The following NFASC variants were observed in gnomAD, a reference collection of about 807,000 sequenced individuals.
The protein encoded by NFASC is neurofascin.
A neutral mutation model predicts 147.5 loss-of-function variants in NFASC; 43 were observed. That is an observed-to-expected ratio of 0.29 (90% confidence interval 0.23 to 0.38). The LOEUF (loss-of-function observed/expected upper bound fraction) is 0.38. Ranked by LOEUF, NFASC falls within the 10% of genes least tolerant of loss-of-function variation. The probability of loss-of-function intolerance (pLI) is 1.00; values close to 1 mark genes in which losing one functional copy is unlikely to be tolerated. For missense variants in NFASC, 1,320 were observed against 1,689.0 expected, an observed-to-expected ratio of 0.78 and a Z score of 3.83; for synonymous variants, 622 against 665.5, an observed-to-expected ratio of 0.93 and a Z score of 1.01.
At chr1:204,892,053 A>AT (rs1328605361) in intron 1 of NFASC, among the ~76,000 whole-genome samples, 1 of 152,192 alleles carries the variant, frequency 6.6e-6, no homozygotes, top group Non-Finnish European at 1.5e-5. Flanking sequence ...GTAGGCATGC[A>AT]TTTTTTTAAG....
intron 1 of NFASC, among the ~76,000 whole-genome samples, chr1:204,889,815 A>G (rs1315976313): frequency 6.6e-6 from 1 of 152,240 alleles, no homozygotes; most frequent in Admixed American, 6.5e-5. Flanking sequence ...GGGAGCTGTC[A>G]TCAGGTTTTC....
chr1:204,871,096 T>C (rs2077603320), intron 1 of NFASC: 3 of 1,289,758 alleles, frequency 2.3e-6, no homozygotes, highest in Non-Finnish European at 3.0e-6. Context: ...CTGCCCTCCC[T>C]CTTGGCCTCT....
chr1:204,942,813 C>A lies in NFASC; in HGVS notation c.-90-1413C>A, dbSNP rs116664258. ...AGTTGAGGTTTGGTGCTGGGCCCAG[C>A]TTCTGGGAAAGAAACTGCAAAAATG... On this transcript the variant is annotated intron_variant, in intron 2 of 29. Coordinates refer to ENST00000339876, the MANE Select transcript of NFASC (RefSeq NM_001005388.3). 7.3e-3 allele frequency among the ~76,000 whole-genome samples: 1,109 copies of A among 152,214 alleles called. 17 individuals are homozygous for A. The highest frequency in any genetic ancestry group is 0.026 in the African/African-American group (1,081 of 41,526).
At position 204,980,362 on chromosome 1, in the gene NFASC, G is replaced by C. The variant is rs772436730; in HGVS notation, c.2177-8G>C. 3.1e-6 allele frequency: 5 copies of C among 1,612,910 alleles called. No individual in the cohort carries two copies. The East Asian group carries it at 1.1e-4, about 36-fold the overall frequency. On this transcript the variant is annotated splice_polypyrimidine_tract_variant and splice_region_variant and intron_variant, in intron 19 of 29. Transcript: ENST00000339876. Reference sequence around the variant, plus strand: ...TTGGACTTGAGCCTGTGTCTGTTTGGGTTCCAGCCCCCGAGTCCAATCCTG... The same window carrying C: ...TTGGACTTGAGCCTGTGTCTGTTTGCGTTCCAGCCCCCGAGTCCAATCCTG...
At chr1:204,840,785 A>G (rs1045377909) in intron 1 of NFASC, among the ~76,000 whole-genome samples, 2 of 152,358 alleles carry the variant, frequency 1.3e-5, no homozygotes, top group East Asian at 3.9e-4. Flanking sequence ...TTCAGTAAAT[A>G]TATACCAAAT....
At chr1:204,919,720 C>G (rs2090069813) in intron 1 of NFASC, among the ~76,000 whole-genome samples, 1 of 152,070 alleles carries the variant, frequency 6.6e-6, no homozygotes, top group South Asian at 2.1e-4. Context: ...CCTCTGCCTC[C>G]CGGGTTCAAG....
intron 21 of NFASC, chr1:204,984,388 T>TATATATATATATATATATACGC (rs2095571434): frequency 1.4e-5 from 1 of 72,966 alleles, no homozygotes; most frequent in African/African-American, 4.4e-5. Flanking sequence ...TACGCATATA[T>TATATATATATATATATATACGC]ATATATATAT....
chr1:204,830,323 G>A (rs562562084), intron 1 of NFASC, among the ~76,000 whole-genome samples: 1 of 152,292 alleles, frequency 6.6e-6, no homozygotes. Flanking sequence ...GGGAAAATGT[G>A]TGTGAAGAGT....
intron 1 of NFASC, among the ~76,000 whole-genome samples, chr1:204,845,477 TA>T (rs1558489316): frequency 6.6e-6 from 1 of 151,464 alleles, no homozygotes; most frequent in African/African-American, 2.4e-5. Context: ...ATAATAATAA[TA>T]AAATAAAGGA....
Position 204,997,357 on chromosome 1 carries a change from C to T in NFASC, c.2970C>T (p.Thr990=), listed in dbSNP as rs774863771. Residue 990 remains threonine (T), a synonymous_variant, in exon 25 of 30, where the codon ACC becomes ACT. Transcript: ENST00000339876. ...TTTTTAAATT[T]TESPPTTTSG... is the part of the protein sequence containing the mutation. ...CAACCACTGCTGCCGCCACCACCAC[C>T]ACGGAGAGTCCTCCCACCACCACCT... 6.4e-6 allele frequency: 10 copies of T among 1,556,088 alleles called. No individual in the cohort carries two copies. In the Admixed American group the frequency reaches 7.8e-5, roughly 12 times the overall value.
At chr1:204,902,005 A>G (rs2084729233) in intron 1 of NFASC, among the ~76,000 whole-genome samples, 1 of 152,130 alleles carries the variant, frequency 6.6e-6, no homozygotes, top group African/African-American at 2.4e-5. Context: ...ATGAAGGGAG[A>G]ACCCCAGTTT....
chr1:204,958,565 G>A (rs1409854036), intron 8 of NFASC, among the ~76,000 whole-genome samples: 2 of 152,176 alleles, frequency 1.3e-5, no homozygotes, highest in Non-Finnish European at 2.9e-5. Context: ...GCAGCCTAGA[G>A]CTTTTGCTGC....
rs192357326 is a variant in NFASC at position 204,951,355 on chromosome 1, G to C, written c.110-656G>C. ...TTTTTTTTACTTTTAGTAGAGATGG[G>C]GTTTTACCATGTTGGCCAGGCTGGT... is the stretch of plus-strand genomic sequence containing the variant. On this transcript the variant is annotated intron_variant, in intron 4 of 29. Coordinates refer to ENST00000339876, the MANE Select transcript of NFASC (RefSeq NM_001005388.3). Among the ~76,000 whole-genome samples the C allele has an allele frequency of 5.2e-4, 75 of 144,280 alleles. No individual in the cohort carries two copies. In the East Asian group the frequency reaches 0.011, roughly 22 times the overall value. 94.7% of individuals were successfully genotyped at this position (144,280 alleles called of 152,430 possible).
At chr1:205,008,837 G>A (rs529220806) in intron 27 of NFASC, 1 of 153,956 alleles carries the variant, frequency 6.5e-6, no homozygotes, top group South Asian at 2.0e-4. Context: ...GGAGTAGCCT[G>A]GAAGTGGCAT....
Position 204,957,739 on chromosome 1 carries a change from A to G in NFASC, c.619A>G (p.Met207Val), listed in dbSNP as rs944700892. Reference sequence around the variant, plus strand: ...CTTCTCCAACGTGATGCTGCAGGACATGCAGACCGACTACAGTTGTAACGC... The same window carrying G: ...CTTCTCCAACGTGATGCTGCAGGACGTGCAGACCGACTACAGTTGTAACGC... ...LYFSNVMLQD[M>V]QTDYSCNARF... is the part of the protein sequence containing the mutation. Residue 207 changes from methionine (M) to valine (V), a missense_variant, in exon 8 of 30, where the codon ATG (methionine) becomes GTG (valine). Transcript: ENST00000339876. 6 of 1,614,052 alleles carry G rather than the reference A, an allele frequency of 3.7e-6. No individual in the cohort carries two copies. The highest frequency in any genetic ancestry group is 5.1e-6 in the Non-Finnish European group (6 of 1,180,020).
At chr1:204,904,948 C>T (rs1453984263) in intron 1 of NFASC, among the ~76,000 whole-genome samples, 1 of 152,076 alleles carries the variant, frequency 6.6e-6, no homozygotes, top group Admixed American at 6.6e-5. Context: ...AACCTACCAC[C>T]CCCAACAAAA....
intron 1 of NFASC, among the ~76,000 whole-genome samples, chr1:204,887,886 C>T (rs1261243648): frequency 1.3e-5 from 2 of 152,230 alleles, no homozygotes; most frequent in Middle Eastern, 3.4e-3. Context: ...GCATGAGCCA[C>T]CATACCTGGC....
intron 23 of NFASC, chr1:204,990,571 A>AAG (rs1425571786): frequency 2.0e-5 from 3 of 149,260 alleles, no homozygotes; most frequent in African/African-American, 7.3e-5. Flanking sequence ...TCCAAAAAAA[A>AAG]AAAAAAAAGA....
At chr1:204,941,630 T>C (rs2093368519) in intron 2 of NFASC, among the ~76,000 whole-genome samples, 1 of 152,164 alleles carries the variant, frequency 6.6e-6, no homozygotes, top group Admixed American at 6.5e-5. Context: ...CTGATCTGAG[T>C]CTGGTCTTTG....
Sources: allele counts gnomAD v4.1 joint callset (sites outside exome capture counted in the v4.1 genomes callset), GRCh38; gene constraint gnomAD v4.1.1; transcripts MANE v1.5; gene names NCBI Gene and HGNC (gene_info 2026-07-23, HGNC 2026-07-21).